Variants in SIRPG observed in about 807,000 individuals in gnomAD.
The protein encoded by SIRPG is signal-regulatory protein gamma.
In SIRPG, 38 loss-of-function variants were observed where a neutral mutation model predicts 35.7. That is an observed-to-expected ratio of 1.06 (90% CI 0.82 to 1.40). SIRPG has a LOEUF of 1.40. Among genes scored for constraint, SIRPG ranks in the 40% most tolerant of loss-of-function variants. The pLI is 0.00. For synonymous variants in SIRPG, 215 were observed against 190.4 expected (o/e 1.13, Z -1.06); for missense variants, 519 against 483.0 (o/e 1.07, Z -0.70).
chr20:1,651,224 C>A (rs1230008101), intron 1 of SIRPG: 2 of 152,202 alleles, frequency 1.3e-5, no homozygotes, highest in East Asian at 3.9e-4. Context: ...TCATATTTAC[C>A]TGATACCTCC....
chr20:1,644,530 C>A (rs1483146813), intron 2 of SIRPG, among the ~76,000 whole-genome samples: 1 of 152,130 alleles, frequency 6.6e-6, no homozygotes, highest in African/African-American at 2.4e-5. Flanking sequence ...CGCCTATCTC[C>A]CAAGGAGCTC....
Position 1,635,339 on chromosome 20 carries a change from G to A in SIRPG, c.1009C>T (p.Leu337=), listed in dbSNP as rs2091788725. Residue 337 remains leucine (L), a synonymous_variant, in exon 4 of 6, where the codon CTG becomes TTG. Coordinates refer to ENST00000303415, the MANE Select transcript of SIRPG (RefSeq NM_018556.4). ...LTCQVKHDGQ[L]AVSKRLALEV... ...AGGGCAAGGCGTTTGCTGACCGCCA[G>A]CTGCCCATCATGCTTCACCTGGCAG... 1 of 1,614,224 alleles carries A rather than the reference G, an allele frequency of 6.2e-7. No individual in the cohort carries two copies.
chr20:1,678,096 T>C, the SIRPG span, among the ~76,000 whole-genome samples: 1 of 152,196 alleles, frequency 6.6e-6, no homozygotes, highest in Non-Finnish European at 1.5e-5. Context: ...TCTCTGTTCT[T>C]TGCCTTTACT....
the SIRPG span, among the ~76,000 whole-genome samples, chr20:1,684,736 G>A: frequency 4.6e-5 from 7 of 152,348 alleles, no homozygotes; most frequent in African/African-American, 1.2e-4. Flanking sequence ...ACCTGGACTT[G>A]AATCCCAGCT....
At chr20:1,639,920 C>T (rs1019812601) in intron 2 of SIRPG, among the ~76,000 whole-genome samples, 2 of 152,108 alleles carry the variant, frequency 1.3e-5, no homozygotes, top group Non-Finnish European at 2.9e-5. Flanking sequence ...TGTTGAAGAT[C>T]AGATGGTTGT....
chr20:1,681,105 G>A, the SIRPG span, among the ~76,000 whole-genome samples: 1 of 152,188 alleles, frequency 6.6e-6, no homozygotes, highest in African/African-American at 2.4e-5. Flanking sequence ...GATTGTTTCT[G>A]TTGAATTTGG....
intron 1 of SIRPG, among the ~76,000 whole-genome samples, chr20:1,653,925 C>A (rs2122571136): frequency 6.6e-6 from 1 of 152,242 alleles, no homozygotes; most frequent in Admixed American, 6.5e-5. Flanking sequence ...TATGCTACAT[C>A]AAGGCAATCT....
the SIRPG span, among the ~76,000 whole-genome samples, chr20:1,673,462 T>C: frequency 2.7e-3 from 404 of 152,112 alleles, 3 homozygotes; most frequent in African/African-American, 8.8e-3. Context: ...GCCTGGCATG[T>C]CGTAGGTGCT....
the SIRPG span, among the ~76,000 whole-genome samples, chr20:1,663,181 T>C: frequency 5.3e-5 from 8 of 151,746 alleles, no homozygotes; most frequent in South Asian, 2.1e-4. Flanking sequence ...GGCGTGGTGG[T>C]GGGCGCCTGT....
At chr20:1,631,608 C>T (rs1320710363) in intron 4 of SIRPG, among the ~76,000 whole-genome samples, 2 of 152,164 alleles carry the variant, frequency 1.3e-5, no homozygotes, top group Non-Finnish European at 2.9e-5. Context: ...TACAGAGAAA[C>T]TGACCTTGGT....
chr20:1,661,421 C>G (rs1427021975), upstream of SIRPG, among the ~76,000 whole-genome samples: 1 of 152,184 alleles, frequency 6.6e-6, no homozygotes, highest in Non-Finnish European at 1.5e-5. Context: ...AGAAAATGCT[C>G]CCAAATGTAA....
chr20:1,650,290 C>T (rs550635808), intron 1 of SIRPG, among the ~76,000 whole-genome samples: 2 of 151,758 alleles, frequency 1.3e-5, no homozygotes, highest in Non-Finnish European at 2.9e-5. Flanking sequence ...TGACACTAGA[C>T]CCAGTATTAA....
At chr20:1,674,648 A>G in the SIRPG span, among the ~76,000 whole-genome samples, 1 of 152,204 alleles carries the variant, frequency 6.6e-6, no homozygotes, top group African/African-American at 2.4e-5. Context: ...CTCTGTGCAC[A>G]TCCTCTCCCA....
the SIRPG span, among the ~76,000 whole-genome samples, chr20:1,664,715 G>A: frequency 2.0e-5 from 3 of 152,128 alleles, no homozygotes; most frequent in South Asian, 2.1e-4. Flanking sequence ...AAATGTTTCC[G>A]GAGAGCCTGT....
chr20:1,662,101 T>A (rs4813201), upstream of SIRPG, among the ~76,000 whole-genome samples: 66,834 of 151,700 alleles, frequency 0.44, 14,971 homozygotes, highest in Admixed American at 0.49. Flanking sequence ...AAAAGTGACA[T>A]TTCTTCTTAG....
the SIRPG span, among the ~76,000 whole-genome samples, chr20:1,676,458 G>A: frequency 6.6e-6 from 1 of 152,204 alleles, no homozygotes; most frequent in African/African-American, 2.4e-5. Context: ...CTGTCAAAGA[G>A]TGGAACAGCT....
chr20:1,665,415 G>A, the SIRPG span: 2 of 154,130 alleles, frequency 1.3e-5, no homozygotes, highest in Admixed American at 1.3e-4. Context: ...TGAGACTCCA[G>A]GAGGAGCCAT....
Position 1,649,203 on chromosome 20 carries a change from G to A in SIRPG, c.279C>T (p.Asp93=), listed in dbSNP as rs917125051. 6.2e-7 allele frequency: 1 copy of A among 1,614,124 alleles called. No individual in the cohort carries two copies. The highest frequency in any genetic ancestry group is 2.2e-5 in the East Asian group (1 of 44,868). ...GHFPRVTTVS[D]LTKRNNMDFS... is the part of the protein sequence containing the mutation. ...AGTCCATGTTGTTTCTCTTTGTGAG[G>A]TCTGAAACTGTTGTTACCCTGGGGA... The change falls in exon 2 of 6, where the codon GAC becomes GAT. Residue 93 remains aspartate (D), a synonymous_variant. Coordinates refer to ENST00000303415, the MANE Select transcript of SIRPG (RefSeq NM_018556.4).
At chr20:1,678,437 C>T in the SIRPG span, among the ~76,000 whole-genome samples, 2 of 151,738 alleles carry the variant, frequency 1.3e-5, no homozygotes, top group Non-Finnish European at 2.9e-5. Flanking sequence ...AGTATTACAA[C>T]TAAAAGTTCA....
Sources: allele counts gnomAD v4.1 joint callset (sites outside exome capture counted in the v4.1 genomes callset), GRCh38; gene constraint gnomAD v4.1.1; transcripts MANE v1.5; gene names NCBI Gene and HGNC (gene_info 2026-07-23, HGNC 2026-07-21).